Variants in PRKCA observed in about 807,000 individuals in gnomAD.
PRKCA encodes the protein protein kinase C alpha type.
PRKCA carries 27 observed loss-of-function variants against 87.0 expected under a neutral mutation model. The observed-to-expected ratio is 0.31, with a 90% CI of 0.23 to 0.43. PRKCA has a LOEUF of 0.43. Among genes scored for constraint, PRKCA ranks in the 20% least tolerant of loss-of-function variants. The pLI, the probability that PRKCA is intolerant of heterozygous loss-of-function variation, is 1.00. For missense variants in PRKCA, 518 were observed against 852.3 expected (o/e 0.61, Z 4.88); for synonymous variants, 329 against 311.1 (o/e 1.06, Z -0.61).
At chr17:66,500,254 A>G (rs1916669212) in intron 3 of PRKCA, among the ~76,000 whole-genome samples, 2 of 152,202 alleles carry the variant, frequency 1.3e-5, no homozygotes, top group Admixed American at 1.3e-4. Flanking sequence ...CAAGAGACCT[A>G]TGACTAGGGC....
chr17:66,675,503 A>G (rs11079664), intron 5 of PRKCA, among the ~76,000 whole-genome samples: 92,441 of 152,054 alleles, frequency 0.61, 28,076 homozygotes, highest in African/African-American at 0.64. Flanking sequence ...AAGTGCGTGG[A>G]GAGAGGACGA....
At chr17:66,320,272 C>A (rs528728622) in intron 2 of PRKCA, among the ~76,000 whole-genome samples, 2 of 152,190 alleles carry the variant, frequency 1.3e-5, no homozygotes, top group South Asian at 4.1e-4. Context: ...CCAGCCCCTA[C>A]CTCCTATAGG....
chr17:66,642,543 G>T (rs1971328369), intron 4 of PRKCA, among the ~76,000 whole-genome samples: 1 of 152,136 alleles, frequency 6.6e-6, no homozygotes, highest in Non-Finnish European at 1.5e-5. Flanking sequence ...AATAGATCGG[G>T]AACCACTGTG....
chr17:66,303,459 G>T (rs141870122), intron 1 of PRKCA, among the ~76,000 whole-genome samples: 1 of 151,782 alleles, frequency 6.6e-6, no homozygotes, highest in East Asian at 2.0e-4. Context: ...ATTGCACTGC[G>T]CGCGGTCCAA....
chr17:66,430,029 A>G (rs1007388075), intron 2 of PRKCA, among the ~76,000 whole-genome samples: 1 of 152,074 alleles, frequency 6.6e-6, no homozygotes, highest in Non-Finnish European at 1.5e-5. Flanking sequence ...CACTCTTTAT[A>G]TGATAGAGAA....
intron 2 of PRKCA, among the ~76,000 whole-genome samples, chr17:66,357,031 A>G (rs1266101456): frequency 1.3e-5 from 2 of 152,110 alleles, no homozygotes; most frequent in African/African-American, 2.4e-5. Context: ...AGTGCTGGGG[A>G]TTATAGGCGT....
intron 3 of PRKCA, among the ~76,000 whole-genome samples, chr17:66,561,606 A>G (rs1246639129): frequency 6.6e-6 from 1 of 152,218 alleles, no homozygotes; most frequent in Non-Finnish European, 1.5e-5. Flanking sequence ...TTGTATGCCC[A>G]TGTTCGTAGC....
chr17:66,535,783 A>G (rs919211790), intron 3 of PRKCA, among the ~76,000 whole-genome samples: 4 of 152,174 alleles, frequency 2.6e-5, no homozygotes, highest in African/African-American at 9.7e-5. Flanking sequence ...TGAGACCACA[A>G]ACTCTTCTAG....
At chr17:66,513,487 G>C (rs1480526048) in intron 3 of PRKCA, among the ~76,000 whole-genome samples, 2 of 152,196 alleles carry the variant, frequency 1.3e-5, no homozygotes, top group African/African-American at 4.8e-5. Context: ...TTAACCACTT[G>C]ATTCTGAATG....
chr17:66,782,493 A>G (rs1018610611), intron 14 of PRKCA, among the ~76,000 whole-genome samples: 1 of 152,108 alleles, frequency 6.6e-6, no homozygotes, highest in African/African-American at 2.4e-5. Context: ...CAGAAGCTGC[A>G]TCGGCCAGCA....
rs1460686002 is a variant in PRKCA at position 66,810,181 on chromosome 17, G to C, written c.*6144G>C. Reference sequence around the variant, plus strand: ...TTTCTGATTAAACGACTGTGTCTTTGTCACCTCTGCTTAACTTTAGGAGTA... The same window carrying C: ...TTTCTGATTAAACGACTGTGTCTTTCTCACCTCTGCTTAACTTTAGGAGTA... On this transcript the variant is annotated 3_prime_UTR_variant, in exon 17 of 17. Transcript: ENST00000413366. 1 of 152,122 alleles carries C rather than the reference G, an allele frequency of 6.6e-6. No individual in the cohort carries two copies. Among genetic ancestry groups the C allele is most frequent in the Non-Finnish European group, 1.5e-5 (1 of 68,022 alleles). 9.4% of individuals were successfully genotyped at this position (152,122 alleles called of 1,614,324 possible).
rs1027745243 is a variant in PRKCA at position 66,792,607 on chromosome 17, C to T, written c.1854+3628C>T. On this transcript the variant is annotated intron_variant, in intron 16 of 16. Transcript: ENST00000413366. The surrounding 1 kb of genome is among the most constrained non-coding windows in gnomAD (Gnocchi z 4.5). ...CAGCGCAAAAAGCATCTCACAATGC[C>T]GTGATCCATCAGGAGGTTAGCACGG... is the stretch of plus-strand genomic sequence containing the variant. Among the ~76,000 whole-genome samples, 5 of 152,200 alleles carry T rather than the reference C, an allele frequency of 3.3e-5. No homozygotes were observed. Among genetic ancestry groups the T allele is most frequent in the Admixed American group, 6.5e-5 (1 of 15,286 alleles).
At chr17:66,654,077 G>T (rs16959850) in intron 5 of PRKCA, among the ~76,000 whole-genome samples, 7,823 of 152,280 alleles carry the variant, frequency 0.051, 685 homozygotes, top group African/African-American at 0.18. Context: ...GTAAGAATGA[G>T]TGGGGCGTTC....
chr17:66,527,317 G>A (rs141648223), intron 3 of PRKCA, among the ~76,000 whole-genome samples: 1,873 of 151,994 alleles, frequency 0.012, 23 homozygotes, highest in Non-Finnish European at 0.02. Flanking sequence ...TTATCCTGGT[G>A]CCTGGCTGTT....
chr17:66,715,455 A>G (rs1332650612), intron 8 of PRKCA, among the ~76,000 whole-genome samples: 6 of 151,432 alleles, frequency 4.0e-5, no homozygotes, highest in African/African-American at 1.5e-4. Flanking sequence ...GGACCACTCC[A>G]GGGCCCCCTG....
intron 16 of PRKCA, among the ~76,000 whole-genome samples, chr17:66,798,299 C>T (rs1975717164): frequency 6.6e-6 from 1 of 151,206 alleles, no homozygotes; most frequent in Non-Finnish European, 1.5e-5. Flanking sequence ...ATTAGGAATG[C>T]AGTACCTTCT....
rs560227182 is a variant in PRKCA at position 66,778,727 on chromosome 17, G to T, written c.1605+4660G>T. 2.0e-5 allele frequency among the ~76,000 whole-genome samples: 3 copies of T among 151,754 alleles called. No individual in the cohort carries two copies. The East Asian group carries it at 5.8e-4, about 30-fold the overall frequency. On this transcript the variant is annotated intron_variant, in intron 14 of 16. Transcript: ENST00000413366. ...GTGGTGGCAAGTGCCTGTCATCCCAGCTACGTAGGAGGCTGAGGTGGGAGG... is the reference window on the plus strand; with the variant it reads ...GTGGTGGCAAGTGCCTGTCATCCCATCTACGTAGGAGGCTGAGGTGGGAGG...
intron 2 of PRKCA, among the ~76,000 whole-genome samples, chr17:66,459,771 C>T (rs575372342): frequency 2.0e-5 from 3 of 152,154 alleles, no homozygotes; most frequent in Non-Finnish European, 4.4e-5. Context: ...CATTGTTGCT[C>T]TTTTTCGTTC....
chr17:66,721,982 A>G (rs973564732), intron 8 of PRKCA, among the ~76,000 whole-genome samples: 1 of 152,146 alleles, frequency 6.6e-6, no homozygotes, highest in Non-Finnish European at 1.5e-5. Context: ...CAGGAGTTCT[A>G]TGATGATGAG....
Sources: gnomAD v4.1 joint callset for allele counts (sites outside exome capture counted in the v4.1 genomes callset) on GRCh38, gnomAD v4.1.1 for gene constraint, Gnocchi (gnomAD v3.1) non-coding constraint, MANE v1.5 for transcripts, NCBI Gene and HGNC (gene_info 2026-07-23, HGNC 2026-07-21) for gene names.